Variants in ZNF385D observed in about 807,000 individuals in gnomAD.
ZNF385D encodes zinc finger protein 659.
In ZNF385D, 15 loss-of-function variants were observed where a neutral mutation model predicts 35.8. That is an observed-to-expected ratio of 0.42 (90% CI 0.28 to 0.64). The LOEUF (loss-of-function observed/expected upper bound fraction) is 0.64, where lower values mean the gene tolerates loss of function less well. Ranked by LOEUF, ZNF385D falls within the 30% of genes least tolerant of loss-of-function variation. The pLI, the probability that ZNF385D is intolerant of heterozygous loss-of-function variation, is 0.23. For synonymous variants in ZNF385D, 212 were observed against 186.8 expected, an observed-to-expected ratio of 1.13 and a Z score of -1.10; for missense variants, 474 against 494.6, an observed-to-expected ratio of 0.96 and a Z score of 0.39.
At chr3:22,033,116 G>C (rs1426040243) in intron 3 of ZNF385D, among the ~76,000 whole-genome samples, 1 of 152,052 alleles carries the variant, frequency 6.6e-6, no homozygotes, top group East Asian at 1.9e-4. Flanking sequence ...AGAATGAACA[G>C]TGAGGCCGGG....
rs995210994 is a variant in ZNF385D, at chr3:21,748,931, T to G, written c.22+1964A>C. 3.9e-4 allele frequency among the ~76,000 whole-genome samples: 59 copies of G among 152,192 alleles called. 1 individual carries two copies. Among genetic ancestry groups the G allele is most frequent in the Admixed American group, 1.3e-4 (2 of 15,278 alleles). ...CCTCGCTCTTGTACCACACATTTTT[T>G]TTTTAGAGACAGGTGGGCTCCCAAA... On this transcript the variant is annotated intron_variant, in intron 1 of 7. Coordinates refer to ENST00000281523, the MANE Select transcript of ZNF385D (RefSeq NM_024697.3).
At chr3:22,013,020 G>T (rs1696671097) in intron 3 of ZNF385D, among the ~76,000 whole-genome samples, 1 of 152,062 alleles carries the variant, frequency 6.6e-6, no homozygotes, top group South Asian at 2.1e-4. Context: ...GAAACTGGAA[G>T]ACCATTAGCA....
chr3:22,116,842 T>G (rs1702836027), intron 3 of ZNF385D, among the ~76,000 whole-genome samples: 1 of 152,088 alleles, frequency 6.6e-6, no homozygotes, highest in Non-Finnish European at 1.5e-5. Context: ...TGATAAGCTC[T>G]TTATAGAAAT....
At chr3:21,486,593 A>G (rs1222662265) in intron 4 of ZNF385D, among the ~76,000 whole-genome samples, 5 of 152,130 alleles carry the variant, frequency 3.3e-5, no homozygotes, top group Non-Finnish European at 7.4e-5. Context: ...TGAATTTCCT[A>G]TCTGCTGGGA....
chr3:22,234,960 T>A (rs548896374), intron 2 of ZNF385D, among the ~76,000 whole-genome samples: 1 of 152,166 alleles, frequency 6.6e-6, no homozygotes, highest in Non-Finnish European at 1.5e-5. Flanking sequence ...ATTTTTATAG[T>A]ACCAAATAAG....
chr3:21,543,168 C>T (rs1165748010), intron 3 of ZNF385D, among the ~76,000 whole-genome samples: 2 of 152,036 alleles, frequency 1.3e-5, no homozygotes, highest in Admixed American at 6.5e-5. Context: ...AAAAATAAGC[C>T]GGTGTGGTGG....
At chr3:22,219,839 T>A (rs1266846433) in intron 2 of ZNF385D, among the ~76,000 whole-genome samples, 1 of 152,160 alleles carries the variant, frequency 6.6e-6, no homozygotes, top group African/African-American at 2.4e-5. Context: ...GTGAAGAATT[T>A]TCCGGTTTCA....
chr3:21,855,294 CA>C (rs1377924187), intron 3 of ZNF385D, among the ~76,000 whole-genome samples: 1 of 151,944 alleles, frequency 6.6e-6, no homozygotes, highest in African/African-American at 2.4e-5. Context: ...TTCGGCATCC[CA>C]AATTGCTTAC....
In ZNF385D at chr3:22,326,232, C is replaced by T. The variant is rs1007991619; in HGVS notation, c.106+46218G>A. On this transcript the variant is annotated intron_variant, in intron 2 of 5. Transcript: ENST00000494108. ...ACCCCTGTCTCAGATAAAAGAATGT[C>T]TCCATTGTAATCAAAGTTGTTGTCT... Among the ~76,000 whole-genome samples the T allele has an allele frequency of 2.0e-5, 3 of 152,142 alleles. No homozygotes were observed. The South Asian group carries it at 6.2e-4, about 31-fold the overall frequency.
At chr3:22,364,173 T>A (rs967976869) in intron 2 of ZNF385D, among the ~76,000 whole-genome samples, 1 of 152,100 alleles carries the variant, frequency 6.6e-6, no homozygotes, top group Non-Finnish European at 1.5e-5. Flanking sequence ...CTTAAACCCA[T>A]TATTTTAAAC....
chr3:21,570,793 C>T (rs1199152383), intron 2 of ZNF385D, among the ~76,000 whole-genome samples: 1 of 152,096 alleles, frequency 6.6e-6, no homozygotes, highest in East Asian at 1.9e-4. Flanking sequence ...CATAATCAAG[C>T]TTTGTAATAT....
intron 3 of ZNF385D, among the ~76,000 whole-genome samples, chr3:22,145,962 G>A (rs1323827272): frequency 6.6e-6 from 1 of 151,984 alleles, no homozygotes; most frequent in African/African-American, 2.4e-5. Context: ...ATTATTAACA[G>A]CAACAGGATT....
At chr3:22,043,606 A>G (rs1698807727) in intron 3 of ZNF385D, among the ~76,000 whole-genome samples, 1 of 121,548 alleles carries the variant, frequency 8.2e-6, no homozygotes. Context: ...AAGACATTAT[A>G]GTCCCTGCCT....
At chr3:21,945,366 T>C (rs1701731100) in intron 3 of ZNF385D, among the ~76,000 whole-genome samples, 1 of 151,866 alleles carries the variant, frequency 6.6e-6, no homozygotes, top group South Asian at 2.1e-4. Flanking sequence ...GCATGCAAAA[T>C]GCATGTTTAT....
chr3:22,218,918 A>C lies in ZNF385D; in HGVS notation c.107-49883T>G, dbSNP rs1000582164. Among the ~76,000 whole-genome samples the C allele has an allele frequency of 2.6e-5, 4 of 152,266 alleles. No individual in the cohort carries two copies. In the East Asian group the frequency reaches 7.7e-4, roughly 29 times the overall value. ...TTTCATTAAAAAATACATTTTGTAGATCATTGCATGTTAGACTGTAAGGAT... is the reference window on the plus strand; with the variant it reads ...TTTCATTAAAAAATACATTTTGTAGCTCATTGCATGTTAGACTGTAAGGAT... On this transcript the variant is annotated intron_variant, in intron 2 of 5. Transcript: ENST00000494108.
rs539376126 is a variant in ZNF385D at position 21,554,766 on chromosome 3, G to A, written c.276+9808C>T. On this transcript the variant is annotated intron_variant, in intron 3 of 7. Transcript: ENST00000281523. ...CTACATCAGCACTTGCAGCTTCACC[G>A]TGCACGTTTATGTTATGGAGAGGAC... is the stretch of plus-strand genomic sequence containing the variant. Among the ~76,000 whole-genome samples, 72 of 152,220 alleles carry A rather than the reference G, an allele frequency of 4.7e-4. 2 individuals are homozygous for A. The South Asian group carries it at 0.01, about 21-fold the overall frequency.
chr3:21,902,989 C>T (rs1001166532), intron 3 of ZNF385D, among the ~76,000 whole-genome samples: 2 of 152,100 alleles, frequency 1.3e-5, no homozygotes, highest in African/African-American at 4.8e-5. Context: ...ATCTTTGAGA[C>T]CACAACTCAA....
intron 2 of ZNF385D, among the ~76,000 whole-genome samples, chr3:22,206,969 GT>G (rs1002496771): frequency 5.9e-5 from 9 of 151,664 alleles, no homozygotes; most frequent in Non-Finnish European, 1.2e-4. Flanking sequence ...AAAATGAAAA[GT>G]TTTTTTGGAT....
chr3:21,422,289 A>T (rs572304148), intron 7 of ZNF385D, among the ~76,000 whole-genome samples: 1 of 152,366 alleles, frequency 6.6e-6, no homozygotes, highest in African/African-American at 2.4e-5. Context: ...GTGCTGAAGC[A>T]CTGTGCAGAA....
Sources: gnomAD v4.1 joint callset for allele counts (sites outside exome capture counted in the v4.1 genomes callset) on GRCh38, gnomAD v4.1.1 for gene constraint, MANE v1.5 for transcripts, NCBI Gene and HGNC (gene_info 2026-07-23, HGNC 2026-07-21) for gene names.